Variants in MEMO1 observed in about 807,000 individuals in gnomAD.
The protein encoded by MEMO1 is mediator of cell motility 1.
Under a neutral mutation model 45.2 loss-of-function variants are expected in MEMO1, and 6 were observed. The ratio of observed to expected loss-of-function variants is 0.13; its 90% CI spans 0.07 to 0.26. MEMO1 has a LOEUF of 0.26. Among genes scored for constraint, MEMO1 ranks in the 10% least tolerant of loss-of-function variants. The pLI is 1.00. For synonymous variants in MEMO1, 78 were observed against 124.3 expected, an observed-to-expected ratio of 0.63 and a Z score of 2.48; for missense variants, 184 against 370.5, an observed-to-expected ratio of 0.50 and a Z score of 4.13.
intron 4 of MEMO1, among the ~76,000 whole-genome samples, chr2:31,928,997 A>AAT (rs1377838331): frequency 6.6e-6 from 1 of 152,162 alleles, no homozygotes; most frequent in Non-Finnish European, 1.5e-5. Flanking sequence ...TATGACTCTT[A>AAT]ATATATATTA....
chr2:31,980,757 G>T (rs925597536), intron 2 of MEMO1, among the ~76,000 whole-genome samples: 2 of 152,000 alleles, frequency 1.3e-5, no homozygotes, highest in Non-Finnish European at 2.9e-5. Context: ...GCACAGAAAA[G>T]CCACCTCTAA....
chr2:31,938,790 T>A (rs1156302520), intron 3 of MEMO1, among the ~76,000 whole-genome samples: 9 of 149,610 alleles, frequency 6.0e-5, no homozygotes, highest in African/African-American at 2.0e-4. Context: ...AACAATATTT[T>A]TTTTTTTTTT....
intron 6 of MEMO1, among the ~76,000 whole-genome samples, chr2:31,903,183 G>A (rs911012957): frequency 4.6e-5 from 7 of 152,014 alleles, no homozygotes; most frequent in East Asian, 3.9e-4. Flanking sequence ...TAACATTGAC[G>A]AATATGCAAA....
intron 2 of MEMO1, among the ~76,000 whole-genome samples, chr2:32,002,984 A>C (rs931395271): frequency 3.3e-5 from 5 of 152,232 alleles, no homozygotes; most frequent in Admixed American, 1.3e-4. Context: ...AGCATACAGA[A>C]AACAGTATTT....
chr2:31,968,322 C>T (rs1230154359), intron 2 of MEMO1, among the ~76,000 whole-genome samples: 1 of 152,314 alleles, frequency 6.6e-6, no homozygotes, highest in South Asian at 2.1e-4. Flanking sequence ...CTGGCTTCAA[C>T]TAACACCAAG....
At chr2:31,931,248 G>GC (rs1664132764) in intron 4 of MEMO1, among the ~76,000 whole-genome samples, 1 of 152,058 alleles carries the variant, frequency 6.6e-6, no homozygotes, top group Admixed American at 6.6e-5. Context: ...CTGCTCAAAG[G>GC]CAAGTGGTCT....
At chr2:31,938,806 G>GTT (rs1665254434) in intron 3 of MEMO1, among the ~76,000 whole-genome samples, 1 of 125,668 alleles carries the variant, frequency 8.0e-6, no homozygotes. Context: ...TTTTTTTTGA[G>GTT]ACAGGGTCTC....
chr2:31,868,523 A>G (rs1221930089), intron 9 of MEMO1, 31 bp from the exon 10 acceptor site: 1 of 1,559,024 alleles, frequency 6.4e-7, no homozygotes, highest in Admixed American at 1.9e-5. Context: ...GTTAGGACAC[A>G]CATCACATAA....
chr2:31,932,887 G>A (rs186142066), intron 3 of MEMO1, among the ~76,000 whole-genome samples: 2 of 152,036 alleles, frequency 1.3e-5, no homozygotes, highest in East Asian at 1.9e-4. Flanking sequence ...AATTATTCTC[G>A]TTTTCTCTCC....
Position 31,920,937 on chromosome 2 carries a change from G to GT in MEMO1, c.213-28dup, listed in dbSNP as rs778231435. 3 of 1,421,224 alleles carry GT rather than the reference G, an allele frequency of 2.1e-6. No homozygotes were observed. In the East Asian group the frequency reaches 6.9e-5, roughly 33 times the overall value. The allele number at this position is 1,421,224 out of a possible 1,614,324, so 88.0% of individuals were successfully genotyped here. A position where few individuals can be genotyped will look rare whatever the true frequency, so the allele number is the denominator to read the frequency against. On this transcript the variant is annotated intron_variant, in intron 4 of 9. Coordinates refer to ENST00000404530, the MANE Select transcript of MEMO1 (RefSeq NM_001301833.4). ...TAGGAGATACACAACAAAAAAACAC[G>GT]TAACAATTGCACTTCTACACAAACC...
intron 6 of MEMO1, among the ~76,000 whole-genome samples, chr2:31,913,356 A>T (rs1680908304): frequency 6.6e-6 from 1 of 151,972 alleles, no homozygotes; most frequent in Admixed American, 6.6e-5. Flanking sequence ...GGGGAAGCTT[A>T]AAAGCTAAAT....
At chr2:31,893,791 CAT>C (rs71843723) in intron 6 of MEMO1, among the ~76,000 whole-genome samples, 5,922 of 152,254 alleles carry the variant, frequency 0.039, 149 homozygotes, top group Middle Eastern at 0.095. Flanking sequence ...ATAAACAACA[CAT>C]GTCTACTCTC....
At chr2:31,905,322 T>A (rs1318248626) in intron 6 of MEMO1, among the ~76,000 whole-genome samples, 1 of 152,184 alleles carries the variant, frequency 6.6e-6, no homozygotes, top group Admixed American at 6.6e-5. Flanking sequence ...AAGGGTAAGC[T>A]AGCTGTCAAT....
intron 8 of MEMO1, among the ~76,000 whole-genome samples, chr2:31,878,935 G>A (rs1182974110): frequency 2.6e-5 from 4 of 151,914 alleles, no homozygotes; most frequent in South Asian, 2.1e-4. Flanking sequence ...GAGGAGAAAC[G>A]AGAATCATAT....
chr2:31,953,384 A>C (rs185291646), intron 2 of MEMO1, among the ~76,000 whole-genome samples: 4,551 of 150,772 alleles, frequency 0.03, 132 homozygotes, highest in East Asian at 0.091. Context: ...AAAAAAAAAA[A>C]ACACAATTAT....
chr2:31,885,905 C>T (rs550854571), intron 7 of MEMO1, among the ~76,000 whole-genome samples: 18 of 152,310 alleles, frequency 1.2e-4, no homozygotes, highest in African/African-American at 4.3e-4. Flanking sequence ...AGTTGGTCAA[C>T]CCAGACTTAA....
intron 4 of MEMO1, among the ~76,000 whole-genome samples, chr2:31,930,473 C>CTA (rs1664011817): frequency 6.6e-6 from 1 of 152,062 alleles, no homozygotes; most frequent in East Asian, 1.9e-4. Context: ...ATCTATACCC[C>CTA]TCTACAAATT....
At chr2:31,919,999 T>C (rs568345572) in intron 5 of MEMO1, among the ~76,000 whole-genome samples, 7 of 151,126 alleles carry the variant, frequency 4.6e-5, no homozygotes, top group Non-Finnish European at 8.8e-5. Context: ...TGTGAATAAT[T>C]TGACTAACTG....
chr2:31,999,075 T>C (rs539765171), intron 2 of MEMO1, among the ~76,000 whole-genome samples: 1 of 152,196 alleles, frequency 6.6e-6, no homozygotes, highest in Non-Finnish European at 1.5e-5. Context: ...TCTTTCGCAC[T>C]CCATACTTCA....
Sources: allele counts gnomAD v4.1 joint callset (sites outside exome capture counted in the v4.1 genomes callset), GRCh38; gene constraint gnomAD v4.1.1; transcripts MANE v1.5; gene names NCBI Gene and HGNC (gene_info 2026-07-23, HGNC 2026-07-21).